The following COL8A1 variants were observed in gnomAD, a reference collection of about 807,000 sequenced individuals.
COL8A1 encodes collagen type VIII alpha 1 chain.
In COL8A1, 21 loss-of-function variants were observed where a neutral mutation model predicts 42.7. The ratio of observed to expected loss-of-function variants is 0.49; its 90% CI spans 0.35 to 0.71. The LOEUF is 0.71. Among genes scored for constraint, COL8A1 ranks in the 30% least tolerant of loss-of-function variants. COL8A1 has a pLI of 0.01. For synonymous variants in COL8A1, 367 were observed against 369.1 expected (o/e 0.99, Z 0.06); for missense variants, 788 against 962.4 (o/e 0.82, Z 2.40).
intron 2 of COL8A1, among the ~76,000 whole-genome samples, chr3:99,762,444 A>C (rs769754872): frequency 3.3e-5 from 5 of 152,238 alleles, no homozygotes; most frequent in Non-Finnish European, 5.9e-5. Context: ...GTATGTCTTC[A>C]TATCAAGCTG....
chr3:99,726,041 AG>A (rs977722652), intron 1 of COL8A1, among the ~76,000 whole-genome samples: 2 of 152,168 alleles, frequency 1.3e-5, no homozygotes, highest in Admixed American at 1.3e-4. Context: ...GCAATGTAAA[AG>A]TGTTCCTATT....
intron 1 of COL8A1, among the ~76,000 whole-genome samples, chr3:99,740,847 TAAAAC>T (rs1205484962): frequency 6.6e-6 from 1 of 152,170 alleles, no homozygotes; most frequent in Non-Finnish European, 1.5e-5. Context: ...TTCTAAATAA[TAAAAC>T]AATATTCTAT....
chr3:99,698,811 C>T (rs763224827), intron 1 of COL8A1, among the ~76,000 whole-genome samples: 40 of 152,248 alleles, frequency 2.6e-4, no homozygotes, highest in African/African-American at 6.0e-4. Context: ...TGTTGAATGA[C>T]GAATGTCAGT....
chr3:99,692,735 A>G (rs1041614215), intron 1 of COL8A1, among the ~76,000 whole-genome samples: 2 of 152,264 alleles, frequency 1.3e-5, no homozygotes, highest in Non-Finnish European at 2.9e-5. Context: ...TAGTTCCGTA[A>G]GATCACCATA....
At chr3:99,669,151 G>GGAGAGAGA (rs36015819) in intron 1 of COL8A1, among the ~76,000 whole-genome samples, 2 of 114,046 alleles carry the variant, frequency 1.8e-5, no homozygotes, top group Non-Finnish European at 3.5e-5. Context: ...ATATATAGAG[G>GGAGAGAGA]GAGAGAGAGA....
intron 1 of COL8A1, among the ~76,000 whole-genome samples, chr3:99,725,544 G>A (rs1399532455): frequency 2.0e-5 from 3 of 146,440 alleles, no homozygotes; most frequent in African/African-American, 7.5e-5. Context: ...TAGGTATATC[G>A]CCTAATGCTA....
intron 1 of COL8A1, among the ~76,000 whole-genome samples, chr3:99,738,187 A>C (rs1347528189): frequency 1.3e-5 from 2 of 152,168 alleles, no homozygotes; most frequent in Admixed American, 1.3e-4. Flanking sequence ...CCCATAGCTC[A>C]GAGTAATTTG....
At chr3:99,792,621 G>A (rs1223981411) in intron 3 of COL8A1, among the ~76,000 whole-genome samples, 1 of 152,142 alleles carries the variant, frequency 6.6e-6, no homozygotes, top group Non-Finnish European at 1.5e-5. Flanking sequence ...TGTACAGATA[G>A]GCAAGCAGAG....
chr3:99,697,717 C>T (rs928578810), intron 1 of COL8A1, among the ~76,000 whole-genome samples: 5 of 152,218 alleles, frequency 3.3e-5, no homozygotes, highest in Admixed American at 1.3e-4. Context: ...CTGCTTACAT[C>T]TTGGAAGACC....
rs1453210380 is a variant in COL8A1, at chr3:99,797,614, A to T, written c.*1478A>T. On this transcript the variant is annotated 3_prime_UTR_variant, in exon 4 of 4. Coordinates refer to ENST00000652472, the MANE Select transcript of COL8A1 (RefSeq NM_020351.4). The stretch of plus-strand genomic sequence containing the variant: ...TCCAAGCCATAATTGGTGAGGGGGG[A>T]GTTTCAGAATTACATAGAAAAATTA... 3 of 152,258 alleles carry T rather than the reference A, an allele frequency of 2.0e-5. No individual in the cohort carries two copies. In the East Asian group the frequency reaches 5.8e-4, roughly 29 times the overall value. The allele number at this position is 152,258 out of a possible 1,614,324, so 9.4% of individuals were successfully genotyped here.
intron 1 of COL8A1, among the ~76,000 whole-genome samples, chr3:99,671,314 G>A (rs1302139291): frequency 1.3e-5 from 2 of 151,968 alleles, no homozygotes; most frequent in African/African-American, 4.8e-5. Context: ...ATGTTCTAAG[G>A]TAGAAAACTT....
chr3:99,661,328 A>G (rs1301747506), intron 1 of COL8A1, among the ~76,000 whole-genome samples: 5 of 152,238 alleles, frequency 3.3e-5, no homozygotes, highest in Non-Finnish European at 7.3e-5. Context: ...AAGAAGATAT[A>G]CAAATGGTCA....
chr3:99,683,405 A>G (rs1938949407), intron 1 of COL8A1, among the ~76,000 whole-genome samples: 1 of 152,222 alleles, frequency 6.6e-6, no homozygotes, highest in African/African-American at 2.4e-5. Context: ...GAGATAATAT[A>G]TAAACTGGAA....
At chr3:99,693,990 C>T (rs761605658) in intron 1 of COL8A1, among the ~76,000 whole-genome samples, 13 of 152,184 alleles carry the variant, frequency 8.5e-5, no homozygotes, top group Non-Finnish European at 1.2e-4. Flanking sequence ...CAATTGCCAA[C>T]AGTATTCAGC....
chr3:99,684,060 A>T (rs1392306611), intron 1 of COL8A1, among the ~76,000 whole-genome samples: 1 of 152,170 alleles, frequency 6.6e-6, no homozygotes, highest in Non-Finnish European at 1.5e-5. Context: ...ATTCTTGGAC[A>T]CTACTTCAGT....
At chr3:99,692,108 CCT>C (rs1238870995) in intron 1 of COL8A1, among the ~76,000 whole-genome samples, 2 of 152,070 alleles carry the variant, frequency 1.3e-5, no homozygotes, top group Non-Finnish European at 2.9e-5. Context: ...TCTCCTCTTT[CCT>C]CTGTCTCTCA....
At chr3:99,723,644 T>C (rs1301804617) in intron 1 of COL8A1, among the ~76,000 whole-genome samples, 3 of 152,182 alleles carry the variant, frequency 2.0e-5, no homozygotes, top group Non-Finnish European at 4.4e-5. Context: ...ACTACAATTT[T>C]TATTTTCCTT....
intron 1 of COL8A1, among the ~76,000 whole-genome samples, chr3:99,720,834 A>C (rs1940129265): frequency 6.6e-6 from 1 of 152,114 alleles, no homozygotes; most frequent in African/African-American, 2.4e-5. Context: ...TGGAATCAAA[A>C]GTGGGGAAGA....
chr3:99,767,134 T>C (rs1327168445), intron 2 of COL8A1, among the ~76,000 whole-genome samples: 1 of 152,230 alleles, frequency 6.6e-6, no homozygotes, highest in Non-Finnish European at 1.5e-5. Flanking sequence ...TGAAATACTC[T>C]GTGGTTCATC....
Sources: allele counts gnomAD v4.1 joint callset (sites outside exome capture counted in the v4.1 genomes callset), GRCh38; gene constraint gnomAD v4.1.1; transcripts MANE v1.5; gene names NCBI Gene and HGNC (gene_info 2026-07-23, HGNC 2026-07-21).